Variants in SLC35G2 observed in about 807,000 individuals in gnomAD.
SLC35G2 encodes the protein transmembrane protein 22.
Under a neutral mutation model 27.2 loss-of-function variants are expected in SLC35G2, and 20 were observed. That is an observed-to-expected ratio of 0.74 (90% confidence interval 0.52 to 1.07). The LOEUF is 1.07. Among genes scored for constraint, SLC35G2 ranks in the 50% least tolerant of loss-of-function variants. The pLI is 0.00. For synonymous variants in SLC35G2, 148 were observed against 165.3 expected (o/e 0.90, Z 0.80); for missense variants, 416 against 493.3 (o/e 0.84, Z 1.48).
At position 136,819,443 on chromosome 3, in the gene SLC35G2, G is replaced by A. The variant is rs1351218820; in HGVS notation, c.-204G>A. 1 of 152,328 alleles carries A rather than the reference G, an allele frequency of 6.6e-6. No individual in the cohort carries two copies. The highest frequency in any genetic ancestry group is 1.5e-5 in the Non-Finnish European group (1 of 68,110). The allele number at this position is 152,328 out of a possible 1,614,324, so 9.4% of individuals were successfully genotyped here. On this transcript the variant is annotated 5_prime_UTR_variant, in exon 1 of 2. Coordinates refer to ENST00000446465, the MANE Select transcript of SLC35G2 (RefSeq NM_025246.3). The stretch of plus-strand genomic sequence containing the variant: ...CTCTGCACGACGCCTGAAAGGCCGC[G>A]GGGCCCGCATTTCTCTGTGCTGCCC...
intron 1 of SLC35G2, chr3:136,820,550 A>G (rs1198813093): frequency 2.0e-5 from 3 of 152,224 alleles, no homozygotes; most frequent in Non-Finnish European, 4.4e-5. Flanking sequence ...TTTATTACCT[A>G]TGAGAAAGTA....
At chr3:136,851,318 C>T (rs6439670) in intron 1 of SLC35G2, among the ~76,000 whole-genome samples, 102,588 of 150,846 alleles carry the variant, frequency 0.68, 35,121 homozygotes, top group East Asian at 0.87. Context: ...TACGGTGAAA[C>T]CCTGTCTCCA....
chr3:136,836,631 C>T (rs1203670354), intron 1 of SLC35G2, among the ~76,000 whole-genome samples: 1 of 152,186 alleles, frequency 6.6e-6, no homozygotes, highest in Non-Finnish European at 1.5e-5. Context: ...GTGTCAGCCC[C>T]AGAGATGTGC....
chr3:136,854,425 A>AT lies in SLC35G2; in HGVS notation c.-18-11dup, dbSNP rs754351677. 3 of 1,493,130 alleles carry AT rather than the reference A, an allele frequency of 2.0e-6. No individual in the cohort carries two copies. Among genetic ancestry groups the AT allele is most frequent in the East Asian group, 2.3e-5 (1 of 43,628 alleles). 92.5% of individuals were successfully genotyped at this position (1,493,130 alleles called of 1,614,324 possible). A position where few individuals can be genotyped will look rare whatever the true frequency, so the allele number is the denominator to read the frequency against. ...CAATGAAATGAATGTCTTTTTGTCA[A>AT]TTTTTTTCTTTAAATAGAATTGATT... is the stretch of plus-strand genomic sequence containing the variant. On this transcript the variant is annotated splice_polypyrimidine_tract_variant and intron_variant, in intron 1 of 1. Transcript: ENST00000446465.
intron 1 of SLC35G2, among the ~76,000 whole-genome samples, chr3:136,832,053 G>A (rs546202832): frequency 1.2e-4 from 18 of 150,676 alleles, no homozygotes; most frequent in East Asian, 7.8e-4. Flanking sequence ...TAGCTCTGTC[G>A]CCCAGGCTGG....
At chr3:136,848,340 T>G (rs1937487031) in intron 1 of SLC35G2, among the ~76,000 whole-genome samples, 1 of 152,212 alleles carries the variant, frequency 6.6e-6, no homozygotes, top group Non-Finnish European at 1.5e-5. Flanking sequence ...TATCATAGGC[T>G]GGGTGTGGTG....
chr3:136,834,155 G>T (rs1936804626), intron 1 of SLC35G2, among the ~76,000 whole-genome samples: 1 of 151,912 alleles, frequency 6.6e-6, no homozygotes, highest in African/African-American at 2.4e-5. Flanking sequence ...CATGTCTTTT[G>T]CTTGGGGACA....
At chr3:136,833,436 T>G (rs1936785679) in intron 1 of SLC35G2, among the ~76,000 whole-genome samples, 1 of 152,192 alleles carries the variant, frequency 6.6e-6, no homozygotes, top group African/African-American at 2.4e-5. Flanking sequence ...ACTGTACTAT[T>G]TGATGGGGAT....
chr3:136,829,254 G>C (rs1181346767), intron 1 of SLC35G2, among the ~76,000 whole-genome samples: 1 of 150,090 alleles, frequency 6.7e-6, no homozygotes, highest in Non-Finnish European at 1.5e-5. Flanking sequence ...ATGGAGTCTT[G>C]CTCTGGCACC....
intron 1 of SLC35G2, among the ~76,000 whole-genome samples, chr3:136,836,546 G>A (rs184667685): frequency 3.9e-5 from 6 of 152,274 alleles, no homozygotes; most frequent in Non-Finnish European, 8.8e-5. Flanking sequence ...GAGTTGATTT[G>A]TGAAACAGCT....
chr3:136,842,334 C>T (rs369611277), intron 1 of SLC35G2: 7 of 152,174 alleles, frequency 4.6e-5, no homozygotes, highest in Non-Finnish European at 1.0e-4. Context: ...TAGGGTTCAA[C>T]GTCTTTCTTA....
At chr3:136,841,432 T>C (rs1463437823) in intron 1 of SLC35G2, among the ~76,000 whole-genome samples, 2 of 152,078 alleles carry the variant, frequency 1.3e-5, no homozygotes, top group Non-Finnish European at 2.9e-5. Flanking sequence ...AATGTGAATA[T>C]AAATATCAGA....
intron 1 of SLC35G2, among the ~76,000 whole-genome samples, chr3:136,852,571 C>T (rs1273853587): frequency 6.6e-6 from 1 of 151,240 alleles, no homozygotes; most frequent in Admixed American, 6.6e-5. Context: ...TGGCTCACTG[C>T]AACCTCCGTC....
In SLC35G2 at chr3:136,855,193, G is replaced by A. The variant is rs1937938167; in HGVS notation, c.733G>A (p.Asp245Asn). 12 of 1,614,176 alleles carry A rather than the reference G, an allele frequency of 7.4e-6. No homozygotes were observed. Among genetic ancestry groups the A allele is most frequent in the Non-Finnish European group, 8.5e-6 (10 of 1,180,016 alleles). The change falls in exon 2 of 2, where the codon GAC (aspartate) becomes AAC (asparagine). Residue 245 changes from aspartate (D) to asparagine (N), a missense_variant. Asp to Asn is a conservative substitution (Grantham distance 23). Coordinates refer to ENST00000446465, the MANE Select transcript of SLC35G2 (RefSeq NM_025246.3). ...CATGATCCCAAACATTGTTGATGAA[G>A]ACAATTCTTTGTTAAATGCCTGGAA... ...LVMIPNIVDE[D>N]NSLLNAWKEA...
intron 1 of SLC35G2, among the ~76,000 whole-genome samples, chr3:136,849,587 G>A (rs1013164778): frequency 8.6e-5 from 13 of 151,758 alleles, no homozygotes; most frequent in African/African-American, 2.7e-4. Context: ...CGCCTCCTGG[G>A]TTCAAGTGAT....
At chr3:136,837,258 A>G (rs1224889226) in intron 1 of SLC35G2, 1 of 152,054 alleles carries the variant, frequency 6.6e-6, no homozygotes, top group African/African-American at 2.4e-5. Flanking sequence ...CATCCATTCA[A>G]ATTTTCTCTG....
intron 1 of SLC35G2, chr3:136,841,770 A>G (rs374086942): frequency 8.5e-6 from 1 of 117,964 alleles, no homozygotes; most frequent in African/African-American, 3.0e-5. Context: ...TAAATAAATA[A>G]ATAAATATCA....
chr3:136,843,618 C>T (rs146873803), intron 1 of SLC35G2, among the ~76,000 whole-genome samples: 2 of 151,196 alleles, frequency 1.3e-5, no homozygotes, highest in African/African-American at 4.9e-5. Context: ...TGCACTCCAG[C>T]CTGGGCGACA....
chr3:136,854,317 TTCTTTTTTTTCTGGACTACTG>T, intron 1 of SLC35G2, 105 bp from the exon 2 acceptor site: 1 of 637,034 alleles, frequency 1.6e-6, no homozygotes, highest in Non-Finnish European at 2.7e-6. Flanking sequence ...CATCTCTAAT[TTCTTTTTTTTCTGGACTACTG>T]TTACAGCCTC....
Sources: gnomAD v4.1 joint callset for allele counts (sites outside exome capture counted in the v4.1 genomes callset) on GRCh38, gnomAD v4.1.1 for gene constraint, MANE v1.5 for transcripts, NCBI Gene and HGNC (gene_info 2026-07-23, HGNC 2026-07-21) for gene names.